The following RHBDD1 variants were observed in gnomAD, a reference collection of about 807,000 sequenced individuals.
RHBDD1 encodes rhomboid domain containing 1.
RHBDD1 carries 38 observed loss-of-function variants against 36.3 expected under a neutral mutation model. The observed-to-expected ratio is 1.05, with a 90% CI of 0.81 to 1.37. The LOEUF is 1.37. Among genes scored for constraint, RHBDD1 ranks in the 40% most tolerant of loss-of-function variants. The probability of loss-of-function intolerance (pLI) is 0.00; values close to 1 mark genes in which losing one functional copy is unlikely to be tolerated. For missense variants in RHBDD1, 393 were observed against 377.6 expected, an observed-to-expected ratio of 1.04 and a Z score of -0.34; for synonymous variants, 151 against 136.5, an observed-to-expected ratio of 1.11 and a Z score of -0.74.
intron 8 of RHBDD1, among the ~76,000 whole-genome samples, chr2:226,941,590 G>C (rs1305975079): frequency 6.6e-6 from 1 of 152,216 alleles, no homozygotes; most frequent in Non-Finnish European, 1.5e-5. Context: ...GGACCATGCT[G>C]AGAGCCTGAG....
At chr2:226,856,849 T>C (rs1943377607) in intron 3 of RHBDD1, among the ~76,000 whole-genome samples, 1 of 152,234 alleles carries the variant, frequency 6.6e-6, no homozygotes, top group Admixed American at 6.5e-5. Context: ...TTTGCAGTAA[T>C]AAAACACACT....
At chr2:226,931,569 C>T (rs985671009) in intron 8 of RHBDD1, among the ~76,000 whole-genome samples, 2 of 151,954 alleles carry the variant, frequency 1.3e-5, no homozygotes, top group African/African-American at 4.8e-5. Context: ...GTGATGAGTG[C>T]ACTAAAATCT....
Position 226,949,221 on chromosome 2 carries a change from C to G in RHBDD1, c.856+34870C>G, listed in dbSNP as rs184612458. ...CTGCCCAAAGTAATTTATAGATTTA[C>G]TGCTACTCCCATCAAGCTACCATTG... is the stretch of plus-strand genomic sequence containing the variant. On this transcript the variant is annotated intron_variant, in intron 8 of 8. Coordinates refer to ENST00000392062, the MANE Select transcript of RHBDD1 (RefSeq NM_001167608.3). Among the ~76,000 whole-genome samples the G allele has an allele frequency of 1.4e-3, 213 of 152,286 alleles. 2 individuals carry two copies. Among genetic ancestry groups the G allele is most frequent in the Middle Eastern group, 3.4e-3 (1 of 294 alleles).
At position 226,864,965 on chromosome 2, in the gene RHBDD1, A is replaced by C. The variant is rs751187941; in HGVS notation, c.272A>C (p.Lys91Thr). Residue 91 changes from lysine (K) to threonine (T), a missense_variant, in exon 4 of 9, where the codon AAA (lysine) becomes ACA (threonine). Lys to Thr is a moderately conservative substitution (Grantham distance 78). Transcript: ENST00000392062. ...LYFNMASMLW[K>T]GINLERRLGS... The stretch of plus-strand genomic sequence containing the variant: ...TTCAATATGGCATCCATGCTCTGGA[A>C]AGGAATAAATCTAGAAAGAAGACTG... The C allele has an allele frequency of 6.2e-7, 1 of 1,614,240 alleles. No individual in the cohort carries two copies. The highest frequency in any genetic ancestry group is 8.5e-7 in the Non-Finnish European group (1 of 1,180,040).
intron 8 of RHBDD1, among the ~76,000 whole-genome samples, chr2:226,916,022 C>T (rs1428168503): frequency 6.6e-6 from 1 of 152,140 alleles, no homozygotes; most frequent in African/African-American, 2.4e-5. Flanking sequence ...GGTGGTGTTA[C>T]GCCATGCCTC....
chr2:226,886,871 T>A (rs1473152932), intron 5 of RHBDD1, among the ~76,000 whole-genome samples: 2 of 152,060 alleles, frequency 1.3e-5, no homozygotes, highest in African/African-American at 4.8e-5. Flanking sequence ...AGTCTTTAAT[T>A]TAAAGAACTA....
At chr2:226,933,547 G>GAT (rs962650882) in intron 8 of RHBDD1, among the ~76,000 whole-genome samples, 5 of 151,988 alleles carry the variant, frequency 3.3e-5, no homozygotes, top group African/African-American at 1.2e-4. Context: ...TTTTTTCACT[G>GAT]GTGTCCAGCA....
rs542166254 is a variant in RHBDD1 at position 226,930,494 on chromosome 2, A to G, written c.856+16143A>G. On this transcript the variant is annotated intron_variant, in intron 8 of 8. Coordinates refer to ENST00000392062, the MANE Select transcript of RHBDD1 (RefSeq NM_001167608.3). Reference sequence around the variant, plus strand: ...ATCTCTCACCATATAAAAAATTAAAATCAATTAGAGACTTAAATCTTAAGA... The same window carrying G: ...ATCTCTCACCATATAAAAAATTAAAGTCAATTAGAGACTTAAATCTTAAGA... Among the ~76,000 whole-genome samples the G allele has an allele frequency of 3.9e-5, 6 of 152,118 alleles. No homozygotes were observed. In the South Asian group the frequency reaches 1.2e-3, roughly 32 times the overall value.
chr2:226,817,342 C>T, the RHBDD1 span, among the ~76,000 whole-genome samples: 1 of 152,192 alleles, frequency 6.6e-6, no homozygotes, highest in South Asian at 2.1e-4. Context: ...AGTTCAGTCA[C>T]AGACAGTTGA....
chr2:226,958,565 G>A (rs1268859484), intron 8 of RHBDD1, among the ~76,000 whole-genome samples: 3 of 152,136 alleles, frequency 2.0e-5, no homozygotes, highest in African/African-American at 7.2e-5. Context: ...TCTCAATGAA[G>A]CTGTTGAGTA....
chr2:226,970,144 C>T (rs1953173346), intron 8 of RHBDD1, among the ~76,000 whole-genome samples: 1 of 151,900 alleles, frequency 6.6e-6, no homozygotes, highest in Admixed American at 6.6e-5. Flanking sequence ...CACATGGCCT[C>T]CTAGGATATA....
chr2:226,859,309 T>G (rs533480764), intron 3 of RHBDD1, among the ~76,000 whole-genome samples: 2 of 152,310 alleles, frequency 1.3e-5, no homozygotes, highest in East Asian at 3.9e-4. Flanking sequence ...CTTTTTTTTC[T>G]TGTCATTATT....
intron 6 of RHBDD1, chr2:226,908,619 AC>A: frequency 1.9e-5 from 11 of 568,156 alleles, no homozygotes; most frequent in Non-Finnish European, 3.1e-5. Context: ...ACACACACAC[AC>A]ATTCTTTTCC....
intron 8 of RHBDD1, among the ~76,000 whole-genome samples, chr2:226,934,976 A>G (rs1178969612): frequency 6.6e-6 from 1 of 151,992 alleles, no homozygotes; most frequent in Non-Finnish European, 1.5e-5. Flanking sequence ...GAAGCCGGAA[A>G]TCCTTACTGA....
chr2:226,865,050 C>G lies in RHBDD1; in HGVS notation c.357C>G (p.Tyr119Ter), dbSNP rs145596814. 1 of 1,614,140 alleles carries G rather than the reference C, an allele frequency of 6.2e-7. No homozygotes were observed. Among genetic ancestry groups the G allele is most frequent in the East Asian group, 2.2e-5 (1 of 44,890 alleles). Residue 119 changes from tyrosine to a stop codon, truncating the protein, a stop_gained, in exon 4 of 9, where the codon TAC (tyrosine) becomes TAG (stop). Coordinates refer to ENST00000392062, the MANE Select transcript of RHBDD1 (RefSeq NM_001167608.3). LOFTEE classifies it high-confidence loss of function. Reference sequence around the variant, plus strand: ...TTTCTGTACTTACTGGAGTGGTATACCTGCTCTTGCAATTTGCTGTTGCCG... The same window carrying G: ...TTTCTGTACTTACTGGAGTGGTATAGCTGCTCTTGCAATTTGCTGTTGCCG... ...TAFSVLTGVV[Y>*]LLLQFAVAEF... is the part of the protein sequence containing the mutation.
intron 5 of RHBDD1, among the ~76,000 whole-genome samples, chr2:226,870,006 C>A (rs994946155): frequency 2.0e-5 from 3 of 152,170 alleles, no homozygotes; most frequent in African/African-American, 7.2e-5. Context: ...AGATTATGAA[C>A]CTCTGTGTGT....
rs192369253 is a variant in RHBDD1 at position 226,946,816 on chromosome 2, A to G, written c.856+32465A>G. On this transcript the variant is annotated intron_variant, in intron 8 of 8. Transcript: ENST00000392062. Reference sequence around the variant, plus strand: ...AGGAAGAAGTCGAATCCCTGAATAGACCAATAACAAGTTCTGAAATGTATG... The same window carrying G: ...AGGAAGAAGTCGAATCCCTGAATAGGCCAATAACAAGTTCTGAAATGTATG... Among the ~76,000 whole-genome samples, 403 of 152,336 alleles carry G rather than the reference A, an allele frequency of 2.6e-3. 1 individual carries two copies. Among genetic ancestry groups the G allele is most frequent in the Non-Finnish European group, 4.6e-3 (313 of 68,020 alleles).
chr2:226,845,522 G>A lies in RHBDD1; in HGVS notation c.-91+5895G>A, dbSNP rs555081868. Reference sequence around the variant, plus strand: ...ATTGCCACCCTTGTATATAATTTTGGCAAAAAGCACTGGGACATTTCTTTT... The same window carrying A: ...ATTGCCACCCTTGTATATAATTTTGACAAAAAGCACTGGGACATTTCTTTT... On this transcript the variant is annotated intron_variant, in intron 3 of 8. Transcript: ENST00000392062. Among the ~76,000 whole-genome samples, 5 of 152,204 alleles carry A rather than the reference G, an allele frequency of 3.3e-5. No individual in the cohort carries two copies. In the South Asian group the frequency reaches 1.0e-3, roughly 32 times the overall value.
At chr2:226,814,752 T>C in the RHBDD1 span, among the ~76,000 whole-genome samples, 4 of 152,142 alleles carry the variant, frequency 2.6e-5, no homozygotes, top group Non-Finnish European at 4.4e-5. Flanking sequence ...GAGCAACGGG[T>C]AGGCTAGTGA....
Sources: gnomAD v4.1 joint callset for allele counts (sites outside exome capture counted in the v4.1 genomes callset) on GRCh38, gnomAD v4.1.1 for gene constraint, MANE v1.5 for transcripts, NCBI Gene and HGNC (gene_info 2026-07-23, HGNC 2026-07-21) for gene names.